The following SYDE2 variants were observed in gnomAD, a reference collection of about 807,000 sequenced individuals.
SYDE2 encodes the protein rho GTPase-activating protein SYDE2.
SYDE2 carries 76 observed loss-of-function variants against 91.5 expected under a neutral mutation model. The ratio of observed to expected loss-of-function variants is 0.83; its 90% CI spans 0.69 to 1.01. The LOEUF (loss-of-function observed/expected upper bound fraction) is 1.01, where lower values mean the gene tolerates loss of function less well. Among genes scored for constraint, SYDE2 ranks in the 50% least tolerant of loss-of-function variants. SYDE2 has a pLI of 0.00. For missense variants in SYDE2, 1,364 were observed against 1,367.7 expected, an observed-to-expected ratio of 1.00 and a Z score of 0.04; for synonymous variants, 513 against 506.4, an observed-to-expected ratio of 1.01 and a Z score of -0.18.
Position 85,182,559 on chromosome 1 carries a change from G to T in SYDE2, c.2083C>A (p.Pro695Thr). 6.2e-7 allele frequency: 1 copy of T among 1,613,878 alleles called. No individual in the cohort carries two copies. The highest frequency in any genetic ancestry group is 8.5e-7 in the Non-Finnish European group (1 of 1,179,848). The stretch of plus-strand genomic sequence containing the variant: ...AAGACGTCTTTTGAATCTATCCGAG[G>T]TGGTTTTAAATCCTCAGCACCATAG... ...HFYGAEDLKP[P>T]RIDSKDVFCA... is the part of the protein sequence containing the mutation. The change falls in exon 3 of 7, where the codon CCT becomes ACT. Residue 695 changes from proline to threonine, a missense_variant. Pro to Thr is a conservative substitution (Grantham distance 38). Transcript: ENST00000341460.
At chr1:85,164,066 C>T (rs779940317) in intron 6 of SYDE2, among the ~76,000 whole-genome samples, 5 of 151,954 alleles carry the variant, frequency 3.3e-5, no homozygotes, top group East Asian at 1.9e-4. Context: ...TGCTTTATAC[C>T]GGTTGAACTA....
At chr1:85,187,694 G>T (rs201291985) in intron 2 of SYDE2, among the ~76,000 whole-genome samples, 4,213 of 147,056 alleles carry the variant, frequency 0.029, 81 homozygotes, top group East Asian at 0.11. Flanking sequence ...CCATAAAAAA[G>T]GATGAGTTCA....
At chr1:85,192,104 A>C (rs1658393191) in intron 1 of SYDE2, among the ~76,000 whole-genome samples, 1 of 152,224 alleles carries the variant, frequency 6.6e-6, no homozygotes, top group Admixed American at 6.5e-5. Flanking sequence ...AAACACACTA[A>C]GCCACAAGGA....
chr1:85,176,961 C>CT (rs1311614322), intron 4 of SYDE2, among the ~76,000 whole-genome samples: 1 of 152,092 alleles, frequency 6.6e-6, no homozygotes, highest in African/African-American at 2.4e-5. Flanking sequence ...TGAAGGTTAC[C>CT]AATAAGGTTA....
At chr1:85,154,885 T>TA (rs1466461345), downstream of SYDE2, among the ~76,000 whole-genome samples, 1 of 149,420 alleles carries the variant, frequency 6.7e-6, no homozygotes, top group Non-Finnish European at 1.5e-5. Flanking sequence ...GAGGAAAAAA[T>TA]AAAGGCCTTG....
intron 3 of SYDE2, among the ~76,000 whole-genome samples, chr1:85,178,494 A>G (rs1657793917): frequency 6.6e-6 from 1 of 152,148 alleles, no homozygotes; most frequent in South Asian, 2.1e-4. Flanking sequence ...TCAGTTCGGT[A>G]ATGCTGGCTA....
chr1:85,177,930 G>A (rs1036355840), intron 4 of SYDE2, among the ~76,000 whole-genome samples: 1 of 151,964 alleles, frequency 6.6e-6, no homozygotes. Flanking sequence ...ACTTAAAGTA[G>A]GTCTTACTTC....
intron 2 of SYDE2, among the ~76,000 whole-genome samples, chr1:85,187,863 T>C (rs1658210717): frequency 1.2e-5 from 1 of 82,788 alleles, no homozygotes; most frequent in Non-Finnish European, 2.3e-5. Flanking sequence ...CTGGGGACTG[T>C]TGTGGGGTGG....
At position 85,157,072 on chromosome 1, in the gene SYDE2, T is replaced by C. The variant is rs879698484; in HGVS notation, c.*1678A>G. On this transcript the variant is annotated 3_prime_UTR_variant, in exon 7 of 7. Transcript: ENST00000341460. ...AAAGTTTTAAAAAATGAAAATTTCA[T>C]ATAAAAATATTTATCTTTTTTAACA... 9.9e-5 allele frequency: 15 copies of C among 152,024 alleles called. No homozygotes were observed. Among genetic ancestry groups the C allele is most frequent in the South Asian group, 4.1e-4 (2 of 4,832 alleles). The allele number at this position is 152,024 out of a possible 1,614,324, so 9.4% of individuals were successfully genotyped here. A position where few individuals can be genotyped will look rare whatever the true frequency, so the allele number is the denominator to read the frequency against.
chr1:85,200,141 G>A (rs1241787903), intron 1 of SYDE2, 111 bp downstream of exon 1: 9 of 1,553,244 alleles, frequency 5.8e-6, no homozygotes, highest in South Asian at 1.2e-5. Context: ...ACTTTCGCCC[G>A]GTAACGTACC....
chr1:85,171,379 T>C (rs939778236), intron 4 of SYDE2, among the ~76,000 whole-genome samples: 7 of 152,042 alleles, frequency 4.6e-5, no homozygotes, highest in African/African-American at 1.4e-4. Flanking sequence ...AAAAGATGTA[T>C]GTATGGTGAG....
intron 6 of SYDE2, among the ~76,000 whole-genome samples, chr1:85,159,481 C>A (rs909123417): frequency 6.6e-6 from 1 of 152,138 alleles, no homozygotes; most frequent in African/African-American, 2.4e-5. Flanking sequence ...TACATCATAA[C>A]GTCCCCAAAC....
intron 5 of SYDE2, among the ~76,000 whole-genome samples, chr1:85,166,475 A>C (rs1657280924): frequency 6.6e-6 from 1 of 152,118 alleles, no homozygotes; most frequent in Admixed American, 6.5e-5. Flanking sequence ...TTTGCTGGTC[A>C]GAAGGCCATT....
chr1:85,172,296 A>G (rs817434), intron 4 of SYDE2, among the ~76,000 whole-genome samples: 11,715 of 152,114 alleles, frequency 0.077, 508 homozygotes, highest in Middle Eastern at 0.13. Context: ...ACATGGGTGA[A>G]ATGAGGTTTG....
At position 85,200,918 on chromosome 1, in the gene SYDE2, G is replaced by A. The variant is rs1050948558; in HGVS notation, c.79C>T (p.Arg27Trp). The A allele has an allele frequency of 9.1e-6, 12 of 1,319,662 alleles. 1 individual carries two copies. In the South Asian group the frequency reaches 1.6e-4, roughly 18 times the overall value. 81.7% of individuals were successfully genotyped at this position (1,319,662 alleles called of 1,614,324 possible). A position where few individuals can be genotyped will look rare whatever the true frequency, so the allele number is the denominator to read the frequency against. Residue 27 changes from arginine to tryptophan, a missense_variant, in exon 1 of 7, where the codon CGG (arginine) becomes TGG (tryptophan). Physicochemically the swap from Arg to Trp is moderately radical, Grantham distance 101. Coordinates refer to ENST00000341460, the MANE Select transcript of SYDE2 (RefSeq NM_032184.2). The part of the protein sequence containing the change: ...LADHSFPAGA[R>W]APGQPPSRGA... The stretch of plus-strand genomic sequence containing the variant: ...CGGGAAGGCGGCTGGCCCGGAGCCC[G>A]GGCTCCCGCGGGGAAGCTGTGATCC...
At position 85,190,370 on chromosome 1, in the gene SYDE2, A is replaced by T; in HGVS notation, c.1128T>A (p.Pro376=). The T allele has an allele frequency of 6.2e-7, 1 of 1,613,946 alleles. No homozygotes were observed. The highest frequency in any genetic ancestry group is 8.5e-7 in the Non-Finnish European group (1 of 1,179,866). Residue 376 remains proline (P), a synonymous_variant, in exon 2 of 7, where the codon CCT becomes CCA. Transcript: ENST00000341460. ...DEGEIWYNPI[P]EDDDLGISSA... is the part of the protein sequence containing the mutation. ...TTGATATACCAAGGTCATCATCCTC[A>T]GGAATGGGATTGTACCATATTTCTC...
Position 85,200,769 on chromosome 1 carries a change from A to T in SYDE2, c.228T>A (p.Thr76=), listed in dbSNP as rs1456055963. 9.2e-6 allele frequency: 14 copies of T among 1,520,680 alleles called. No homozygotes were observed. In the East Asian group the frequency reaches 3.5e-4, roughly 38 times the overall value. The allele number at this position is 1,520,680 out of a possible 1,614,324, so 94.2% of individuals were successfully genotyped here. Residue 76 remains threonine, a synonymous_variant, in exon 1 of 7, where the codon ACT becomes ACA. Coordinates refer to ENST00000341460, the MANE Select transcript of SYDE2 (RefSeq NM_032184.2). Reference sequence around the variant, plus strand: ...TGCTGCAGGACGGCCGCATCCGAGGAGTCCGCAGCTGGCCTCCCCGCGGCT... The same window carrying T: ...TGCTGCAGGACGGCCGCATCCGAGGTGTCCGCAGCTGGCCTCCCCGCGGCT... ...QREPRGGQLR[T]PRMRPSCSRS...
Position 85,182,120 on chromosome 1 carries a change from T to C in SYDE2, c.2522A>G (p.Glu841Gly). Residue 841 changes from glutamate to glycine, a missense_variant, in exon 3 of 7, where the codon GAA (glutamate) becomes GGA (glycine). Coordinates refer to ENST00000341460, the MANE Select transcript of SYDE2 (RefSeq NM_032184.2). Reference protein sequence around the residue: ...VPLLIQKCIMEIEKRGCQVVG... With the variant: ...VPLLIQKCIMGIEKRGCQVVG... The stretch of plus-strand genomic sequence containing the variant: ...TACCTGACAGCCTCTCTTTTCAATT[T>C]CCATAATACATTTCTGTATCAGAAG... 1.3e-6 allele frequency: 2 copies of C among 1,588,646 alleles called. No individual in the cohort carries two copies. The highest frequency in any genetic ancestry group is 1.7e-6 in the Non-Finnish European group (2 of 1,171,124).
At chr1:85,159,597 A>C (rs1656986873) in intron 6 of SYDE2, among the ~76,000 whole-genome samples, 1 of 152,252 alleles carries the variant, frequency 6.6e-6, no homozygotes, top group South Asian at 2.1e-4. Flanking sequence ...TAAAAGCTAC[A>C]GCAAAAAGCA....
Sources: gnomAD v4.1 joint callset for allele counts (sites outside exome capture counted in the v4.1 genomes callset) on GRCh38, gnomAD v4.1.1 for gene constraint, MANE v1.5 for transcripts, NCBI Gene and HGNC (gene_info 2026-07-23, HGNC 2026-07-21) for gene names.